LTBP2: variants seen among roughly 807,000 people sequenced by gnomAD.
LTBP2 encodes the protein latent-transforming growth factor beta-binding protein 2.
LTBP2 carries 103 observed loss-of-function variants against 210.6 expected under a neutral mutation model. The observed-to-expected ratio is 0.49, with a 90% CI of 0.42 to 0.58. The LOEUF (loss-of-function observed/expected upper bound fraction) is 0.58, where lower values mean the gene tolerates loss of function less well. Ranked by LOEUF, LTBP2 falls within the 20% of genes least tolerant of loss-of-function variation. The pLI is 0.00. For missense variants in LTBP2, 2,313 were observed against 2,494.5 expected (o/e 0.93, Z 1.55); for synonymous variants, 1,007 against 1,015.0 (o/e 0.99, Z 0.15).
intron 3 of LTBP2, among the ~76,000 whole-genome samples, chr14:74,564,223 ATATATATATTTATATATATT>A (rs1267773895): frequency 0.042 from 588 of 14,054 alleles, 37 homozygotes; most frequent in Non-Finnish European, 0.051. Flanking sequence ...ATATATATTT[ATATATATATTTATATATATT>A]TATATATATT....
chr14:74,508,854 G>C lies in LTBP2; in HGVS notation c.3502C>G (p.Leu1168Val). The C allele has an allele frequency of 6.2e-7, 1 of 1,613,748 alleles. No homozygotes were observed. Among genetic ancestry groups the C allele is most frequent in the East Asian group, 2.2e-5 (1 of 44,864 alleles). ...CCCTCACACACGGTGCCATTGGCCA[G>C]CTGGAAGCCCTGGGGACAGAGGCAC... ...YQCLCPQGFQ[L>V]ANGTVCEDVN... Residue 1168 changes from leucine (L) to valine (V), a missense_variant, in exon 23 of 36, where the codon CTG becomes GTG. Physicochemically the swap from Leu to Val is conservative, Grantham distance 32 (BLOSUM62 1). Around this residue, in one of 3 missense-constraint regions of LTBP2, gnomAD observed 1,867 missense variants for 1,976.9 expected, o/e 0.94. Coordinates refer to ENST00000261978, the MANE Select transcript of LTBP2 (RefSeq NM_000428.3).
chr14:74,592,646 C>G (rs765149083), intron 2 of LTBP2, among the ~76,000 whole-genome samples: 2 of 151,696 alleles, frequency 1.3e-5, no homozygotes, highest in Admixed American at 6.6e-5. Context: ...CTGCAGTGAA[C>G]CATGATGGTG....
At chr14:74,550,881 G>A (rs2087643557) in intron 7 of LTBP2, among the ~76,000 whole-genome samples, 183 bp downstream of exon 7, 1 of 152,222 alleles carries the variant, frequency 6.6e-6, no homozygotes, top group Non-Finnish European at 1.5e-5. Flanking sequence ...GCCCAGGAAG[G>A]AGGCCCAGAC....
chr14:74,566,611 G>A (rs2087905639), intron 3 of LTBP2, among the ~76,000 whole-genome samples: 1 of 152,162 alleles, frequency 6.6e-6, no homozygotes, highest in Non-Finnish European at 1.5e-5. Flanking sequence ...CTAAGATAGG[G>A]AGACGAGTAG....
chr14:74,562,779 C>T (rs1595277624), intron 3 of LTBP2, among the ~76,000 whole-genome samples: 1 of 152,142 alleles, frequency 6.6e-6, no homozygotes, highest in Non-Finnish European at 1.5e-5. Context: ...ATTTGTGAGA[C>T]TATGCAGAAA....
At chr14:74,504,689 G>A in intron 30 of LTBP2, 89 bp downstream of exon 30, 7 of 1,288,668 alleles carry the variant, frequency 5.4e-6, no homozygotes, top group Middle Eastern at 2.4e-4. Context: ...GCCAGGGCTG[G>A]ATGCAGAACT....
intron 18 of LTBP2, among the ~76,000 whole-genome samples, chr14:74,516,366 T>TCCCTCCCTCCCTCCCTCCCTCCCTCCCTC (rs1555348584): frequency 8.5e-6 from 1 of 118,064 alleles, no homozygotes; most frequent in Admixed American, 8.4e-5. Context: ...CTCCCTCCCT[T>TCCCTCCCTCCCTCCCTCCCTCCCTCCCTC]CCTTCCTTCC....
At chr14:74,589,397 C>G (rs2088250660) in intron 2 of LTBP2, among the ~76,000 whole-genome samples, 2 of 152,128 alleles carry the variant, frequency 1.3e-5, no homozygotes, top group Admixed American at 1.3e-4. Flanking sequence ...CATTGTGCAC[C>G]AAGGGCACTC....
rs749515885 is a variant in LTBP2, at chr14:74,503,363, G to A, written c.4744C>T (p.His1582Tyr). ...ACTTTTTTCCAGCAGATGTCCATGTGGATGTCGTGGTCAGGGAGGTCCTCT... is the reference window on the plus strand; with the variant it reads ...ACTTTTTTCCAGCAGATGTCCATGTAGATGTCGTGGTCAGGGAGGTCCTCT... Reference protein sequence around the residue: ...STEDLPDHDIHMDICWKKVTN... With the variant: ...STEDLPDHDIYMDICWKKVTN... Residue 1582 changes from histidine to tyrosine, a missense_variant, in exon 33 of 36, where the codon CAC becomes TAC. His to Tyr is a moderately conservative substitution (Grantham distance 83, BLOSUM62 2). Transcript: ENST00000261978. The A allele has an allele frequency of 1.2e-6, 2 of 1,613,218 alleles. No individual in the cohort carries two copies. Among genetic ancestry groups the A allele is most frequent in the Admixed American group, 3.3e-5 (2 of 59,982 alleles).
At chr14:74,550,189 ACC>A (rs996002526) in intron 7 of LTBP2, among the ~76,000 whole-genome samples, 3 of 152,152 alleles carry the variant, frequency 2.0e-5, no homozygotes, top group African/African-American at 7.2e-5. Context: ...TGGATGGGAC[ACC>A]CCAGACACAA....
intron 15 of LTBP2, 77 bp downstream of exon 15, chr14:74,525,047 T>C: frequency 1.3e-6 from 1 of 780,912 alleles, no homozygotes; most frequent in South Asian, 4.8e-5. Context: ...TTCATGCCCC[T>C]GCCCTGGAGT....
At chr14:74,595,932 C>T (rs1013278192) in intron 2 of LTBP2, among the ~76,000 whole-genome samples, 1 of 152,120 alleles carries the variant, frequency 6.6e-6, no homozygotes, top group Non-Finnish European at 1.5e-5. Context: ...CGTGGTTGCT[C>T]ATGCCTGTAA....
chr14:74,606,100 C>T lies in LTBP2; in HGVS notation c.495-2395G>A, dbSNP rs74063232. ...AATCACTCTGACTCCCTAGAAGGTA[C>T]CTCTCAGAGATCATCTGAGTCCAGT... On this transcript the variant is annotated intron_variant, in intron 1 of 35. Coordinates refer to ENST00000261978, the MANE Select transcript of LTBP2 (RefSeq NM_000428.3). 2.1e-3 allele frequency among the ~76,000 whole-genome samples: 325 copies of T among 152,288 alleles called. 2 individuals carry two copies. The highest frequency in any genetic ancestry group is 0.01 in the Middle Eastern group (3 of 294).
At chr14:74,521,192 G>T (rs999121239) in intron 17 of LTBP2, among the ~76,000 whole-genome samples, 1 of 152,168 alleles carries the variant, frequency 6.6e-6, no homozygotes, top group Non-Finnish European at 1.5e-5. Context: ...GCCTCCCTGG[G>T]GGTCTGGCCA....
intron 18 of LTBP2, 121 bp from the exon 19 acceptor site, chr14:74,511,485 A>C: frequency 7.8e-7 from 1 of 1,276,300 alleles, no homozygotes; most frequent in Non-Finnish European, 1.1e-6. Context: ...GAGGGAAACT[A>C]GGAAAGAATG....
At position 74,550,482 on chromosome 14, in the gene LTBP2, G is replaced by A. The variant is rs139071581; in HGVS notation, c.1687-517C>T. Among the ~76,000 whole-genome samples, 31 of 152,288 alleles carry A rather than the reference G, an allele frequency of 2.0e-4. No individual in the cohort carries two copies. The East Asian group carries it at 3.7e-3, about 18-fold the overall frequency. ...ATACCTTAGTTTCTGGAAACTAAGC[G>A]GTTTCCTGGCAACCCCAAGAAAAAC... On this transcript the variant is annotated intron_variant, in intron 7 of 35. Coordinates refer to ENST00000261978, the MANE Select transcript of LTBP2 (RefSeq NM_000428.3).
In LTBP2 at chr14:74,555,568, G is replaced by A. The variant is rs2304707; in HGVS notation, c.956C>T (p.Pro319Leu). 1.2e-6 allele frequency: 2 copies of A among 1,612,558 alleles called. No homozygotes were observed. The highest frequency in any genetic ancestry group is 1.7e-6 in the Non-Finnish European group (2 of 1,179,236). Residue 319 changes from proline (P) to leucine (L), a missense_variant, in exon 4 of 36, where the codon CCA (proline) becomes CTA (leucine). Physicochemically the swap from Pro to Leu is moderately conservative, Grantham distance 98. Around this residue, in one of 3 missense-constraint regions of LTBP2, gnomAD observed 1,867 missense variants for 1,976.9 expected, o/e 0.94. Transcript: ENST00000261978. ...QLSSNALPPGPGLEQRDGTQQ... is the reference protein window; with the variant it reads ...QLSSNALPPGLGLEQRDGTQQ... Reference sequence around the variant, plus strand: ...GGTGCCATCTCTCTGCTCAAGGCCTGGTCCCGGGGGCAGGGCGTTGGAAGA... The same window carrying A: ...GGTGCCATCTCTCTGCTCAAGGCCTAGTCCCGGGGGCAGGGCGTTGGAAGA...
rs1412388667 is a variant in LTBP2, at chr14:74,503,386, T to G, written c.4721A>C (p.Glu1574Ala). The G allele has an allele frequency of 3.1e-6, 5 of 1,612,332 alleles. No individual in the cohort carries two copies. Among genetic ancestry groups the G allele is most frequent in the Non-Finnish European group, 2.5e-6 (3 of 1,179,758 alleles). ...QRCMNSTSSTEDLPDHDIHMD... is the reference protein window; with the variant it reads ...QRCMNSTSSTADLPDHDIHMD... ...GTGGATGTCGTGGTCAGGGAGGTCC[T>G]CTGGTGGCACAGGGCACGGAGGCAC... The change falls in exon 33 of 36, where the codon GAG becomes GCG. Residue 1574 changes from glutamate to alanine, a missense_variant and splice_region_variant. Transcript: ENST00000261978.
At chr14:74,550,270 G>A (rs1566633777) in intron 7 of LTBP2, among the ~76,000 whole-genome samples, 1 of 152,202 alleles carries the variant, frequency 6.6e-6, no homozygotes, top group Non-Finnish European at 1.5e-5. Context: ...GGGTCCTAAA[G>A]GAAGAGCTTC....
Sources: gnomAD v4.1 joint callset for allele counts (sites outside exome capture counted in the v4.1 genomes callset) on GRCh38, gnomAD v4.1.1 for gene constraint, gnomAD v4.1.1 regional missense constraint, MANE v1.5 for transcripts, NCBI Gene and HGNC (gene_info 2026-07-23, HGNC 2026-07-21) for gene names.